MED1: variants seen among roughly 807,000 people sequenced by gnomAD.
The protein encoded by MED1 is mediator of RNA polymerase II transcription subunit 1.
MED1 carries 17 observed loss-of-function variants against 121.3 expected under a neutral mutation model. The observed-to-expected ratio is 0.14, with a 90% CI of 0.10 to 0.21. The LOEUF is 0.21. Among genes scored for constraint, MED1 ranks in the 10% least tolerant of loss-of-function variants. MED1 has a pLI of 1.00. For synonymous variants in MED1, 661 were observed against 694.4 expected, an observed-to-expected ratio of 0.95 and a Z score of 0.76; for missense variants, 1,558 against 1,919.4, an observed-to-expected ratio of 0.81 and a Z score of 3.52.
chr17:39,417,955 CTAAAAAAAATTTAAACAATTAGCCAGAGG>C (rs1303942548), intron 14 of MED1, among the ~76,000 whole-genome samples: 1 of 151,580 alleles, frequency 6.6e-6, no homozygotes, highest in Non-Finnish European at 1.5e-5. Flanking sequence ...CCCATCTCTA[CTAAAAAAAATTTAAACAATTAGCCAGAGG>C]CTGACGCAGG....
At chr17:39,420,896 C>G (rs1202576184) in intron 13 of MED1, among the ~76,000 whole-genome samples, 1 of 148,238 alleles carries the variant, frequency 6.7e-6, no homozygotes, top group African/African-American at 2.5e-5. Flanking sequence ...CCCGGGTTCA[C>G]GCCATTCTCC....
chr17:39,438,216 G>C (rs988415172), intron 6 of MED1, among the ~76,000 whole-genome samples: 3 of 150,984 alleles, frequency 2.0e-5, no homozygotes, highest in African/African-American at 7.3e-5. Flanking sequence ...CTGTCACCCA[G>C]GCTGGAGTGC....
intron 2 of MED1, among the ~76,000 whole-genome samples, chr17:39,444,754 A>G (rs1377666257): frequency 2.0e-5 from 3 of 152,010 alleles, no homozygotes; most frequent in Non-Finnish European, 4.4e-5. Context: ...CTGTAGTCCC[A>G]GCTACTCAGG....
At position 39,407,256 on chromosome 17, in the gene MED1, A is replaced by T; in HGVS notation, c.*219T>A. On this transcript the variant is annotated 3_prime_UTR_variant, in exon 17 of 17. Transcript: ENST00000300651. ...ATTTTAACTTTCTTTCTGGCACAGGAACAAAGAAGACTTCCTGGTAACCAG... is the reference window on the plus strand; with the variant it reads ...ATTTTAACTTTCTTTCTGGCACAGGTACAAAGAAGACTTCCTGGTAACCAG... 6 of 984,942 alleles carry T rather than the reference A, an allele frequency of 6.1e-6. No homozygotes were observed. The highest frequency in any genetic ancestry group is 5.9e-6 in the Non-Finnish European group (5 of 841,486). 61.0% of individuals were successfully genotyped at this position (984,942 alleles called of 1,614,324 possible).
intron 14 of MED1, among the ~76,000 whole-genome samples, chr17:39,416,790 A>G (rs2048413630): frequency 2.6e-5 from 4 of 152,162 alleles, no homozygotes; most frequent in Admixed American, 2.6e-4. Flanking sequence ...GCTCAAGACT[A>G]TCCTATACAA....
In MED1 at chr17:39,409,768, C is replaced by G. The variant is rs772288423; in HGVS notation, c.2453G>C (p.Ser818Thr). Residue 818 changes from serine to threonine, a missense_variant, in exon 17 of 17, where the codon AGT (serine) becomes ACT (threonine). Physicochemically the swap from Ser to Thr is moderately conservative, Grantham distance 58 (BLOSUM62 1). Coordinates refer to ENST00000300651, the MANE Select transcript of MED1 (RefSeq NM_004774.4). ...RDSSSSGHSQ[S>T]TLFDSDVFQT... The stretch of plus-strand genomic sequence containing the variant: ...AAAGACATCAGAGTCAAACAGGGTA[C>G]TCTGAGAATGCCCAGAGCTTGAAGA... 1 of 1,614,184 alleles carries G rather than the reference C, an allele frequency of 6.2e-7. No individual in the cohort carries two copies. Among genetic ancestry groups the G allele is most frequent in the Non-Finnish European group, 8.5e-7 (1 of 1,180,040 alleles).
chr17:39,421,094 C>A (rs1406136401), intron 13 of MED1, among the ~76,000 whole-genome samples: 1 of 151,458 alleles, frequency 6.6e-6, no homozygotes, highest in Non-Finnish European at 1.5e-5. Context: ...CCGCTCCCGG[C>A]CACATCAGCC....
rs2048336405 is a variant in MED1 at position 39,409,580 on chromosome 17, C to T, written c.2641G>A (p.Glu881Lys). Residue 881 changes from glutamate to lysine, a missense_variant, in exon 17 of 17, where the codon GAA becomes AAA. This residue lies in a region of MED1 where 793 missense variants were observed against 898.2 expected (regional missense o/e 0.88). Transcript: ENST00000300651. ...CTTTGGCTGCTTTCATCAAAATATT[C>T]TTCTCCAAAACCACTTTGGCTCTGG... ...NSQSQSGFGE[E>K]YFDESSQSGD... The T allele has an allele frequency of 1.2e-6, 2 of 1,613,866 alleles. No individual in the cohort carries two copies. Among genetic ancestry groups the T allele is most frequent in the Admixed American group, 3.3e-5 (2 of 59,978 alleles).
At position 39,410,432 on chromosome 17, in the gene MED1, T is replaced by C. The variant is rs745584255; in HGVS notation, c.1789A>G (p.Lys597Glu). The change falls in exon 17 of 17, where the codon AAG becomes GAG. Residue 597 changes from lysine to glutamate, a missense_variant. By Grantham distance (56) the Lys-to-Glu change is moderately conservative. Coordinates refer to ENST00000300651, the MANE Select transcript of MED1 (RefSeq NM_004774.4). ...ESVGHGEDFSKVSQNPILTSL... is the reference protein window; with the variant it reads ...ESVGHGEDFSEVSQNPILTSL... ...GTAAGAATTGGGTTCTGAGACACCT[T>C]GCTGAAGTCCTCCCCATGGCCCACC... 2 of 1,614,096 alleles carry C rather than the reference T, an allele frequency of 1.2e-6. No individual in the cohort carries two copies. The highest frequency in any genetic ancestry group is 2.2e-5 in the South Asian group (2 of 91,074).
intron 16 of MED1, among the ~76,000 whole-genome samples, chr17:39,411,106 G>A (rs1597852279): frequency 1.3e-5 from 2 of 152,058 alleles, no homozygotes; most frequent in African/African-American, 4.8e-5. Context: ...GGAACATGAG[G>A]TCAGGAGATC....
chr17:39,437,456 T>A (rs2048630939), intron 6 of MED1, among the ~76,000 whole-genome samples: 1 of 152,072 alleles, frequency 6.6e-6, no homozygotes, highest in Admixed American at 6.6e-5. Context: ...TTGTAACAAC[T>A]AAGGAGATAC....
At chr17:39,416,036 A>G (rs573427839) in intron 14 of MED1, among the ~76,000 whole-genome samples, 1 of 151,944 alleles carries the variant, frequency 6.6e-6, no homozygotes, top group Admixed American at 6.6e-5. Flanking sequence ...CCTTAAATGT[A>G]CAGACTGAAA....
In MED1 at chr17:39,407,529, A is replaced by C. The variant is rs1597849324; in HGVS notation, c.4692T>G (p.Phe1564Leu). Reference sequence around the variant, plus strand: ...GATCATCATCTTCCTCCCCAATCATAAAGTCTGGGCTGAGCCTTGAGGGTC... The same window carrying C: ...GATCATCATCTTCCTCCCCAATCATCAAGTCTGGGCTGAGCCTTGAGGGTC... The part of the protein sequence containing the change: ...ADRPSRLSPD[F>L]MIGEEDDDLM... The change falls in exon 17 of 17, where the codon TTT becomes TTG. Residue 1564 changes from phenylalanine to leucine, a missense_variant. By Grantham distance (22) the Phe-to-Leu change is conservative. Transcript: ENST00000300651. 8 of 1,613,434 alleles carry C rather than the reference A, an allele frequency of 5.0e-6. No individual in the cohort carries two copies. The East Asian group carries it at 1.6e-4, about 31-fold the overall frequency.
At chr17:39,412,665 G>A (rs1413347909) in intron 16 of MED1, among the ~76,000 whole-genome samples, 1 of 150,640 alleles carries the variant, frequency 6.6e-6, no homozygotes, top group Non-Finnish European at 1.5e-5. Flanking sequence ...AGCCTCCCAA[G>A]TAGCTGGGAT....
At chr17:39,446,379 G>C (rs1366484688) in intron 2 of MED1, among the ~76,000 whole-genome samples, 2 of 147,504 alleles carry the variant, frequency 1.4e-5, no homozygotes, top group Non-Finnish European at 3.0e-5. Context: ...GAACCCGGGA[G>C]GCAAAGCTTG....
intron 2 of MED1, among the ~76,000 whole-genome samples, chr17:39,447,053 A>G (rs1455195170): frequency 3.9e-5 from 6 of 152,158 alleles, no homozygotes; most frequent in African/African-American, 7.2e-5. Flanking sequence ...TGATGCCACC[A>G]AGGATTTCAC....
At chr17:39,422,576 A>C (rs150965389) in intron 13 of MED1, among the ~76,000 whole-genome samples, 3 of 148,368 alleles carry the variant, frequency 2.0e-5, no homozygotes, top group African/African-American at 7.5e-5. Context: ...TCCCGGGTTA[A>C]GTGATTCTCC....
rs372712559 is a variant in MED1, at chr17:39,422,863, CT to C, written c.1095+463del. The stretch of plus-strand genomic sequence containing the variant: ...TTACTTCAATACATTTCCGAGATTT[CT>C]TTTTTTTTTTTTTTTTTTTGAGACA... On this transcript the variant is annotated intron_variant, in intron 13 of 16. Transcript: ENST00000300651. 3.5e-3 allele frequency among the ~76,000 whole-genome samples: 342 copies of C among 98,972 alleles called. 1 individual carries two copies. The highest frequency in any genetic ancestry group is 0.011 in the African/African-American group (290 of 27,458). The allele number at this position is 98,972 out of a possible 152,430, so 64.9% of individuals were successfully genotyped here. A position where few individuals can be genotyped will look rare whatever the true frequency, so the allele number is the denominator to read the frequency against.
At position 39,408,384 on chromosome 17, in the gene MED1, G is replaced by A. The variant is rs1158332970; in HGVS notation, c.3837C>T (p.Ser1279=). The A allele has an allele frequency of 6.2e-7, 1 of 1,614,056 alleles. No homozygotes were observed. Residue 1279 remains serine (S), a synonymous_variant, in exon 17 of 17, where the codon TCC becomes TCT. Transcript: ENST00000300651. The surrounding 1 kb of genome is among the most constrained non-coding windows in gnomAD (Gnocchi z 4.7). ...SSSSFSSSGS[S]MSSSQNQHGS... is the part of the protein sequence containing the mutation. ...CATGCTGGTTCTGAGAGGATGACAT[G>A]GAAGAGCCACTTGAGGAAAAGGAGG...
Sources: allele counts gnomAD v4.1 joint callset (sites outside exome capture counted in the v4.1 genomes callset), GRCh38; gene constraint gnomAD v4.1.1; regional missense constraint gnomAD v4.1.1; non-coding constraint Gnocchi (gnomAD v3.1); transcripts MANE v1.5; gene names NCBI Gene and HGNC (gene_info 2026-07-23, HGNC 2026-07-21).